XIST: variants seen among roughly 807,000 people sequenced by gnomAD.
The protein encoded by XIST is X inactive specific transcript.
exon 6 of XIST, chrX:73,821,468 T>C (rs775201365): frequency 7.2e-6 from 4 of 555,751 alleles, no homozygotes; most frequent in South Asian, 2.3e-5. Context: ...CAAGGTTTAG[T>C]TGATAAGCAC....
chrX:73,852,628 G>T, exon 1 of XIST: 1 of 489,106 alleles, frequency 2.0e-6, no homozygotes, highest in East Asian at 3.6e-5. Context: ...AAGGGTGTTG[G>T]GGGACTAGAA....
chrX:73,847,848 A>G, exon 1 of XIST: 1 of 559,193 alleles, frequency 1.8e-6, no homozygotes, highest in Admixed American at 2.2e-5. Context: ...TGAACATTGG[A>G]ATTTTGCACA....
rs754636307 is a variant in XIST, at chrX:73,848,986, C to T, written n.3738G>A. 6 of 558,469 alleles carry T rather than the reference C, an allele frequency of 1.1e-5. No individual in the cohort carries two copies. In the Admixed American group the frequency reaches 1.1e-4, roughly 10 times the overall value. 46.0% of individuals were successfully genotyped at this position (558,469 alleles called of 1,213,427 possible). On this transcript the variant is annotated non_coding_transcript_exon_variant, in exon 1 of 6. Transcript: ENST00000429829. ...CATTAATATTCCAAGGGAAGGGGCT[C>T]TAAGAATGAGTCAGTCCCACTGCTG...
exon 6 of XIST, chrX:73,822,954 T>C (rs1284033221): frequency 7.2e-6 from 4 of 557,161 alleles, no homozygotes; most frequent in Admixed American, 2.2e-5. Context: ...ATAAGATAAA[T>C]GAGATAAAGT....
chrX:73,852,441 C>T (rs1209700008), exon 1 of XIST: 1 of 547,969 alleles, frequency 1.8e-6, no homozygotes, highest in Admixed American at 2.3e-5. Context: ...ACAGAGATGT[C>T]AACCAAAAAT....
At chrX:73,843,095 C>T (rs371707002) in exon 1 of XIST, 149 of 555,950 alleles carry the variant, frequency 2.7e-4, no homozygotes, top group South Asian at 9.9e-4. Flanking sequence ...TGGGGTGGGG[C>T]GCTTGCTTAA....
At chrX:73,826,083 C>T (rs373510523) in exon 6 of XIST, 2 of 557,303 alleles carry the variant, frequency 3.6e-6, no homozygotes, top group Non-Finnish European at 6.5e-6. Context: ...ATAACCATCA[C>T]TAGAAATCCC....
intron 3 of XIST, chrX:73,831,360 A>G (rs367660890): frequency 5.7e-5 from 25 of 436,297 alleles, no homozygotes; most frequent in African/African-American, 4.4e-4. Context: ...GAGTTCAACC[A>G]TATTTTTACC....
rs146611425 is a variant in XIST, at chrX:73,839,215, T to C, written n.11343-1712A>G. ...CAGCCCTGGGTCTCACAGTCTTCTG[T>C]AATTTAGGGAGGTGGCTAGAGAAAT... On this transcript the variant is annotated intron_variant and non_coding_transcript_variant, in intron 1 of 5. Transcript: ENST00000429829. Among the ~76,000 whole-genome samples the C allele has an allele frequency of 9.5e-3, 1,057 of 110,942 alleles. 12 individuals carry two copies. Among genetic ancestry groups the C allele is most frequent in the African/African-American group, 0.033 (1,010 of 30,626 alleles).
exon 6 of XIST, chrX:73,822,494 A>AT: frequency 1.9e-6 from 1 of 514,733 alleles, no homozygotes; most frequent in Non-Finnish European, 3.5e-6. Context: ...GCACCCGAAT[A>AT]TATTTGTAGA....
At chrX:73,850,037 A>C (rs965720119) in exon 1 of XIST, 1 of 556,859 alleles carries the variant, frequency 1.8e-6, no homozygotes, top group African/African-American at 2.2e-5. Context: ...CAGCAATTCA[A>C]GTTTCCTGTC....
intron 4 of XIST, chrX:73,830,923 G>A (rs1039595866): frequency 5.0e-5 from 22 of 437,604 alleles, no homozygotes; most frequent in African/African-American, 2.7e-4. Flanking sequence ...TTGCTTCCCA[G>A]GTTAGTTAGG....
At chrX:73,851,230 C>G in exon 1 of XIST, 1 of 558,245 alleles carries the variant, frequency 1.8e-6, no homozygotes, top group African/African-American at 2.2e-5. Flanking sequence ...ATGCGGCAAG[C>G]CCGCCATGAT....
At chrX:73,825,816 TTA>T in exon 6 of XIST, 1 of 541,778 alleles carries the variant, frequency 1.8e-6, no homozygotes, top group East Asian at 3.3e-5. Context: ...GGTTTTTCTC[TTA>T]TGTTTTACAG....
chrX:73,827,887 G>GA, exon 6 of XIST: 1 of 528,810 alleles, frequency 1.9e-6, no homozygotes, highest in Non-Finnish European at 3.4e-6. Context: ...AGGCACACAC[G>GA]AAAGAAATTA....
chrX:73,825,391 G>A (rs370097153), exon 6 of XIST: 11 of 556,098 alleles, frequency 2.0e-5, no homozygotes, highest in Admixed American at 6.7e-5. Flanking sequence ...TATCCACAAC[G>A]CTTATCACAG....
exon 1 of XIST, chrX:73,850,408 A>T (rs1414551921): frequency 1.9e-6 from 1 of 537,555 alleles, no homozygotes; most frequent in African/African-American, 2.3e-5. Flanking sequence ...CATTTCTATA[A>T]TAGTCACTTA....
chrX:73,841,790 A>G (rs777727856), exon 1 of XIST: 189 of 494,099 alleles, frequency 3.8e-4, no homozygotes, highest in Non-Finnish European at 4.3e-4. Flanking sequence ...TTTATATAAT[A>G]ATTAATAAAA....
chrX:73,826,668 C>CT, exon 6 of XIST: 1 of 559,239 alleles, frequency 1.8e-6, no homozygotes, highest in Non-Finnish European at 3.2e-6. Flanking sequence ...TTCCCCAGGT[C>CT]TTCAAGCTTC....
Sources: gnomAD v4.1 joint callset for allele counts (sites outside exome capture counted in the v4.1 genomes callset) on GRCh38, gnomAD v4.1.1 for gene constraint, MANE v1.5 for transcripts, NCBI Gene and HGNC (gene_info 2026-07-23, HGNC 2026-07-21) for gene names.